PTRH2: variants seen among roughly 807,000 people sequenced by gnomAD.
The protein encoded by PTRH2 is peptidyl-tRNA hydrolase 2, mitochondrial.
A neutral mutation model predicts 12.3 loss-of-function variants in PTRH2; 10 were observed. That is an observed-to-expected ratio of 0.81 (90% CI 0.50 to 1.38). The LOEUF (loss-of-function observed/expected upper bound fraction) is 1.38, where lower values mean the gene tolerates loss of function less well. PTRH2 is among the 40% of genes most tolerant of loss of function. The probability of loss-of-function intolerance (pLI) is 0.00; values close to 1 mark genes in which losing one functional copy is unlikely to be tolerated. For synonymous variants in PTRH2, 73 were observed against 77.4 expected (o/e 0.94, Z 0.30); for missense variants, 176 against 214.1 (o/e 0.82, Z 1.11).
At chr17:59,704,708 G>C (rs547721160) in intron 1 of PTRH2, among the ~76,000 whole-genome samples, 2 of 152,134 alleles carry the variant, frequency 1.3e-5, no homozygotes, top group Non-Finnish European at 2.9e-5. Context: ...GCCTAAATAC[G>C]GTGACAGGGC....
At chr17:59,704,229 G>A (rs1168693125) in intron 1 of PTRH2, among the ~76,000 whole-genome samples, 1 of 152,212 alleles carries the variant, frequency 6.6e-6, no homozygotes, top group East Asian at 1.9e-4. Flanking sequence ...ACACCTGTCT[G>A]ATTTAGTGAC....
At chr17:59,706,116 T>C (rs2033649192) in intron 1 of PTRH2, among the ~76,000 whole-genome samples, 1 of 152,196 alleles carries the variant, frequency 6.6e-6, no homozygotes, top group Admixed American at 6.5e-5. Flanking sequence ...AACATGTCTG[T>C]CTCTTTTTCT....
intron 1 of PTRH2, among the ~76,000 whole-genome samples, chr17:59,703,171 C>T (rs1178932957): frequency 2.0e-5 from 3 of 151,974 alleles, no homozygotes; most frequent in African/African-American, 7.2e-5. Context: ...CATACCACCA[C>T]ACACTGCTAA....
Position 59,698,225 on chromosome 17 carries a change from A to G in PTRH2, c.1-247T>C, listed in dbSNP as rs191024348. ...TGAATCTTGATGTAAACGAAGTTGC[A>G]TAAAGTTCAAAAACTCTATTCCTCA... On this transcript the variant is annotated intron_variant, in intron 1 of 1. Coordinates refer to ENST00000393038, the MANE Select transcript of PTRH2 (RefSeq NM_016077.5). 6.3e-4 allele frequency: 323 copies of G among 514,676 alleles called. 2 individuals are homozygous for G. The highest frequency in any genetic ancestry group is 5.6e-3 in the African/African-American group (297 of 52,752). 31.9% of individuals were successfully genotyped at this position (514,676 alleles called of 1,614,324 possible).
intron 1 of PTRH2, chr17:59,698,796 T>C (rs2033500277): frequency 1.4e-6 from 1 of 693,168 alleles, no homozygotes; most frequent in Non-Finnish European, 2.6e-6. Context: ...CGAGGCTCTT[T>C]TATAATAGTG....
intron 1 of PTRH2, among the ~76,000 whole-genome samples, chr17:59,705,662 C>T (rs1015996139): frequency 6.6e-6 from 1 of 152,124 alleles, no homozygotes; most frequent in Non-Finnish European, 1.5e-5. Flanking sequence ...CTCCTGGCCT[C>T]AAGGAGTTGC....
chr17:59,705,096 T>G (rs1000402798), intron 1 of PTRH2, among the ~76,000 whole-genome samples: 2 of 152,184 alleles, frequency 1.3e-5, no homozygotes, highest in African/African-American at 4.8e-5. Context: ...CAAGTTTCTA[T>G]TTGATGCTTA....
chr17:59,704,834 G>A (rs2033611977), intron 1 of PTRH2, among the ~76,000 whole-genome samples: 2 of 152,064 alleles, frequency 1.3e-5, no homozygotes, highest in Admixed American at 6.6e-5. Context: ...TGTCACCCAG[G>A]CTGGAGTGCA....
intron 1 of PTRH2, among the ~76,000 whole-genome samples, chr17:59,702,732 G>C (rs976042020): frequency 2.0e-5 from 3 of 152,214 alleles, no homozygotes; most frequent in African/African-American, 7.2e-5. Flanking sequence ...AAGGTAAATA[G>C]AGCTGGTCAT....
At chr17:59,706,798 C>A (rs530246467) in intron 1 of PTRH2, among the ~76,000 whole-genome samples, 8 of 152,030 alleles carry the variant, frequency 5.3e-5, no homozygotes, top group Non-Finnish European at 1.0e-4. Context: ...CTCAGCCTCC[C>A]GAGTAGCTGG....
intron 1 of PTRH2, chr17:59,699,616 T>A (rs1378359813): frequency 6.5e-6 from 1 of 152,708 alleles, no homozygotes; most frequent in Non-Finnish European, 1.5e-5. Flanking sequence ...TCCATCCACA[T>A]AACAAGTAAT....
At position 59,702,508 on chromosome 17, in the gene PTRH2, C is replaced by T. The variant is rs138579315; in HGVS notation, c.1-4530G>A. Among the ~76,000 whole-genome samples, 203 of 152,308 alleles carry T rather than the reference C, an allele frequency of 1.3e-3. 2 individuals are homozygous for T. The Middle Eastern group carries it at 0.017, about 13-fold the overall frequency. ...AAACTTCACTCAGTTGCCCACCACT[C>T]ACCTCCTGCTGTGCGGCCCAGTTCC... is the stretch of plus-strand genomic sequence containing the variant. On this transcript the variant is annotated intron_variant, in intron 1 of 1. Transcript: ENST00000393038.
At chr17:59,698,697 C>CA in intron 1 of PTRH2, 4 of 569,570 alleles carry the variant, frequency 7.0e-6, no homozygotes, top group Non-Finnish European at 1.2e-5. Flanking sequence ...ATTTAATACA[C>CA]CTACAGAATA....
chr17:59,704,414 C>T (rs550673184), intron 1 of PTRH2, among the ~76,000 whole-genome samples: 1 of 152,216 alleles, frequency 6.6e-6, no homozygotes, highest in South Asian at 2.1e-4. Context: ...AAGGATATAT[C>T]AGCTTAAAGG....
intron 1 of PTRH2, chr17:59,699,921 C>T (rs1257229066): frequency 6.6e-6 from 1 of 152,244 alleles, no homozygotes; most frequent in Non-Finnish European, 1.5e-5. Flanking sequence ...AAACACAAAA[C>T]ACAATATCCA....
Position 59,697,992 on chromosome 17 carries a change from A to G in PTRH2, c.1-14T>C, listed in dbSNP as rs755570797. 1.9e-5 allele frequency: 30 copies of G among 1,605,732 alleles called. No homozygotes were observed. Among genetic ancestry groups the G allele is most frequent in the African/African-American group, 2.7e-5 (2 of 74,854 alleles). On this transcript the variant is annotated splice_polypyrimidine_tract_variant and intron_variant, in intron 1 of 1. Coordinates refer to ENST00000393038, the MANE Select transcript of PTRH2 (RefSeq NM_016077.5). Reference sequence around the variant, plus strand: ...TTTGGAGGGCATCTTAAAGGAAAGGAAAACAGTTATCACTATCCGGCAGTA... The same window carrying G: ...TTTGGAGGGCATCTTAAAGGAAAGGGAAACAGTTATCACTATCCGGCAGTA...
intron 1 of PTRH2, chr17:59,698,580 CA>C (rs1445423648): frequency 6.3e-6 from 2 of 315,214 alleles, no homozygotes; most frequent in Non-Finnish European, 1.2e-5. Flanking sequence ...CTTAAGAACA[CA>C]AAATATTTTT....
Position 59,697,587 on chromosome 17 carries a change from G to C in PTRH2, c.392C>G (p.Ala131Gly), listed in dbSNP as rs2033462562. Residue 131 changes from alanine (A) to glycine (G), a missense_variant, in exon 2 of 2, where the codon GCC becomes GGC. Transcript: ENST00000393038. ...AGTCAGTCCCAGCATTTTTGCATGGGCCAATAATGCAATCAGGGTTTCTTC... is the reference window on the plus strand; with the variant it reads ...AGTCAGTCCCAGCATTTTTGCATGGCCCAATAATGCAATCAGGGTTTCTTC... ...PDEETLIALL[A>G]HAKMLGLTVS... 2 of 1,614,006 alleles carry C rather than the reference G, an allele frequency of 1.2e-6. No homozygotes were observed. The highest frequency in any genetic ancestry group is 2.2e-5 in the South Asian group (2 of 91,090).
At chr17:59,703,664 C>T (rs986210886) in intron 1 of PTRH2, among the ~76,000 whole-genome samples, 1 of 151,978 alleles carries the variant, frequency 6.6e-6, no homozygotes, top group African/African-American at 2.4e-5. Context: ...GCCACTACAC[C>T]GAGCTAATTG....
Sources: gnomAD v4.1 joint callset for allele counts (sites outside exome capture counted in the v4.1 genomes callset) on GRCh38, gnomAD v4.1.1 for gene constraint, MANE v1.5 for transcripts, NCBI Gene and HGNC (gene_info 2026-07-23, HGNC 2026-07-21) for gene names.